The following CNTN4 variants were observed in gnomAD, a reference collection of about 807,000 sequenced individuals.
CNTN4 encodes the protein contactin-4.
In CNTN4, 77 loss-of-function variants were observed where a neutral mutation model predicts 122.5. The ratio of observed to expected loss-of-function variants is 0.63; its 90% CI spans 0.52 to 0.76. The LOEUF (loss-of-function observed/expected upper bound fraction) is 0.76, where lower values mean the gene tolerates loss of function less well. Ranked by LOEUF, CNTN4 falls within the 30% of genes least tolerant of loss-of-function variation. The pLI, the probability that CNTN4 is intolerant of heterozygous loss-of-function variation, is 0.00. For missense variants in CNTN4, 1,256 were observed against 1,259.1 expected (o/e 1.00, Z 0.04); for synonymous variants, 512 against 447.0 (o/e 1.15, Z -1.83).
chr3:2,970,168 C>G (rs373861300), intron 13 of CNTN4, among the ~76,000 whole-genome samples: 2 of 152,082 alleles, frequency 1.3e-5, no homozygotes, highest in Admixed American at 6.5e-5. Context: ...AATCGTAGCT[C>G]ATTTTAACCT....
chr3:2,140,803 C>A (rs1023103034), intron 2 of CNTN4, among the ~76,000 whole-genome samples: 2 of 152,138 alleles, frequency 1.3e-5, no homozygotes. Context: ...CAGAAAAATT[C>A]TTCCTTTTAT....
chr3:2,494,922 G>T (rs2076414508), intron 3 of CNTN4, among the ~76,000 whole-genome samples: 2 of 152,038 alleles, frequency 1.3e-5, no homozygotes, highest in Non-Finnish European at 2.9e-5. Context: ...TTCTATATCA[G>T]GGTTTCTCAA....
chr3:2,472,425 A>G (rs2075713690), intron 3 of CNTN4, among the ~76,000 whole-genome samples: 1 of 151,998 alleles, frequency 6.6e-6, no homozygotes, highest in Non-Finnish European at 1.5e-5. Flanking sequence ...TTTTTAGTAG[A>G]TATGGGTTTT....
At chr3:2,282,168 G>T (rs9682572) in intron 2 of CNTN4, among the ~76,000 whole-genome samples, 1 of 151,966 alleles carries the variant, frequency 6.6e-6, no homozygotes, top group Non-Finnish European at 1.5e-5. Context: ...TTGTGAATGG[G>T]TGTTTTACAC....
At chr3:2,118,964 T>G (rs1434312770) in intron 2 of CNTN4, among the ~76,000 whole-genome samples, 1 of 152,246 alleles carries the variant, frequency 6.6e-6, no homozygotes, top group Non-Finnish European at 1.5e-5. Flanking sequence ...ATGGTTAATT[T>G]TATATGTCAA....
chr3:3,040,156 G>T lies in CNTN4; in HGVS notation c.2283G>T (p.Val761=). 6.2e-7 allele frequency: 1 copy of T among 1,614,180 alleles called. No homozygotes were observed. The change falls in exon 20 of 25, where the codon GTG becomes GTT. Residue 761 remains valine, a synonymous_variant. Coordinates refer to ENST00000418658, the MANE Select transcript of CNTN4 (RefSeq NM_175607.3). ...CCTCAGCTGATGCCTCTAGATACGT[G>T]TTCAGGAATGAGAGCGTGCACCCCT... ...VLASADASRY[V]FRNESVHPFS...
intron 3 of CNTN4, among the ~76,000 whole-genome samples, chr3:2,372,693 T>A (rs1281022620): frequency 6.6e-6 from 1 of 152,100 alleles, no homozygotes; most frequent in Non-Finnish European, 1.5e-5. Flanking sequence ...AAGGAGGCAG[T>A]AGAAAAACCA....
At chr3:2,818,177 T>G (rs1429235766) in intron 6 of CNTN4, among the ~76,000 whole-genome samples, 2 of 152,214 alleles carry the variant, frequency 1.3e-5, no homozygotes, top group Admixed American at 1.3e-4. Flanking sequence ...CAAAATCAGA[T>G]GGTACTTAAT....
At chr3:2,556,323 A>G (rs1050257019) in intron 3 of CNTN4, among the ~76,000 whole-genome samples, 3 of 152,262 alleles carry the variant, frequency 2.0e-5, no homozygotes, top group South Asian at 2.1e-4. Context: ...CGGCATATGA[A>G]TATACAAACG....
At chr3:2,580,945 C>A (rs957316660) in intron 4 of CNTN4, among the ~76,000 whole-genome samples, 1 of 152,142 alleles carries the variant, frequency 6.6e-6, no homozygotes, top group African/African-American at 2.4e-5. Flanking sequence ...AGGTCCAAAG[C>A]CTGGGCTTTT....
chr3:3,003,677 G>T (rs1303346132), intron 14 of CNTN4, among the ~76,000 whole-genome samples: 7 of 112,450 alleles, frequency 6.2e-5, no homozygotes, highest in African/African-American at 2.6e-4. Context: ...AGTAGTCATG[G>T]TTGCACCAAA....
At chr3:3,019,311 A>G (rs994044760) in intron 14 of CNTN4, among the ~76,000 whole-genome samples, 1 of 151,850 alleles carries the variant, frequency 6.6e-6, no homozygotes. Flanking sequence ...ATTTTAGTTT[A>G]TTATTCTTTT....
chr3:2,869,450 C>T (rs1209832881), intron 8 of CNTN4, among the ~76,000 whole-genome samples: 1 of 152,154 alleles, frequency 6.6e-6, no homozygotes. Flanking sequence ...AAGGATGACA[C>T]ATAGGTTTCT....
chr3:2,793,490 C>G (rs9847255), intron 6 of CNTN4, among the ~76,000 whole-genome samples: 1 of 151,696 alleles, frequency 6.6e-6, no homozygotes, highest in Non-Finnish European at 1.5e-5. Flanking sequence ...CCCTTAATTA[C>G]GGATGTTTGC....
intron 7 of CNTN4, among the ~76,000 whole-genome samples, chr3:2,860,702 CATATGACTTT>C (rs1577077994): frequency 6.6e-6 from 1 of 152,140 alleles, no homozygotes; most frequent in Non-Finnish European, 1.5e-5. Flanking sequence ...TGACAGCTCA[CATATGACTTT>C]ATATTTATCA....
At chr3:3,048,542 G>A (rs891871421) in intron 23 of CNTN4, among the ~76,000 whole-genome samples, 2 of 148,914 alleles carry the variant, frequency 1.3e-5, no homozygotes, top group Non-Finnish European at 3.0e-5. Context: ...GTGTGTGTGT[G>A]TGTATTTGTG....
chr3:2,322,180 C>T (rs62243967), intron 2 of CNTN4, among the ~76,000 whole-genome samples: 18,702 of 151,998 alleles, frequency 0.12, 1,424 homozygotes, highest in Non-Finnish European at 0.17. Flanking sequence ...TATTTTTAAA[C>T]GAGCAAAAAT....
At chr3:2,202,135 C>T (rs1460651095) in intron 2 of CNTN4, among the ~76,000 whole-genome samples, 2 of 152,104 alleles carry the variant, frequency 1.3e-5, no homozygotes, top group Non-Finnish European at 2.9e-5. Flanking sequence ...CCCCTCCCCA[C>T]CACCAAAGAA....
intron 2 of CNTN4, among the ~76,000 whole-genome samples, chr3:2,284,213 G>A (rs1288930215): frequency 6.6e-6 from 1 of 152,086 alleles, no homozygotes; most frequent in Admixed American, 6.6e-5. Context: ...CCTGTAGACT[G>A]GAAGCAGTGA....
Sources: allele counts gnomAD v4.1 joint callset (sites outside exome capture counted in the v4.1 genomes callset), GRCh38; gene constraint gnomAD v4.1.1; transcripts MANE v1.5; gene names NCBI Gene and HGNC (gene_info 2026-07-23, HGNC 2026-07-21).